The following SLC4A9 variants were observed in gnomAD, a reference collection of about 807,000 sequenced individuals.
SLC4A9 encodes the protein anion exchange protein 4.
SLC4A9 carries 102 observed loss-of-function variants against 103.2 expected under a neutral mutation model. The observed-to-expected ratio is 0.99, with a 90% CI of 0.84 to 1.17. The LOEUF is 1.17. Among genes scored for constraint, SLC4A9 ranks in the 50% most tolerant of loss-of-function variants. SLC4A9 has a pLI of 0.00. For synonymous variants in SLC4A9, 453 were observed against 483.6 expected (o/e 0.94, Z 0.83); for missense variants, 1,091 against 1,193.7 (o/e 0.91, Z 1.27).
At chr5:140,361,004 G>A in intron 2 of SLC4A9, 32 bp downstream of exon 2, 1 of 1,521,512 alleles carries the variant, frequency 6.6e-7, no homozygotes, top group Non-Finnish European at 8.9e-7. Flanking sequence ...GAAGGGCCTG[G>A]GTAGCCATGC....
Position 140,365,968 on chromosome 5 carries a change from C to T in SLC4A9, c.1845C>T (p.Phe615=), listed in dbSNP as rs1346198833. The T allele has an allele frequency of 6.2e-7, 1 of 1,614,072 alleles. No homozygotes were observed. Residue 615 remains phenylalanine, a synonymous_variant, in exon 13 of 22, where the codon TTC becomes TTT. Transcript: ENST00000506757. ...CCCTTCTCCTCTTCCTTACTTCTTT[C>T]TTCTTTGCTATGGCCCTCAAGTGTG... ...FFSLLLFLTS[F]FFAMALKCVK... is the part of the protein sequence containing the mutation.
rs147995654 is a variant in SLC4A9 at position 140,365,803 on chromosome 5, A to G, written c.1711-31A>G. 3.1e-4 allele frequency: 498 copies of G among 1,600,854 alleles called. 3 individuals carry two copies. In the African/African-American group the frequency reaches 6.0e-3, roughly 19 times the overall value. On this transcript the variant is annotated intron_variant, in intron 12 of 21. Transcript: ENST00000506757. ...GAGCAGGACATTTACTCCATTGCCTATAACTCCACTCCTGACCCTCCTGTG... is the reference window on the plus strand; with the variant it reads ...GAGCAGGACATTTACTCCATTGCCTGTAACTCCACTCCTGACCCTCCTGTG...
chr5:140,365,448 T>A, intron 11 of SLC4A9, 72 bp from the exon 12 acceptor site: 1 of 1,396,236 alleles, frequency 7.2e-7, no homozygotes, highest in Non-Finnish European at 9.9e-7. Flanking sequence ...ACCCATCAGA[T>A]AAGAATTTTA....
chr5:140,366,405 C>T, intron 14 of SLC4A9, 141 bp downstream of exon 14: 1 of 640,006 alleles, frequency 1.6e-6, no homozygotes, highest in East Asian at 2.8e-5. Flanking sequence ...ATAATGGCCT[C>T]ACAGGGTTGT....
chr5:140,364,157 T>C lies in SLC4A9; in HGVS notation c.1358T>C (p.Val453Ala). 1 of 1,579,932 alleles carries C rather than the reference T, an allele frequency of 6.3e-7. No homozygotes were observed. Among genetic ancestry groups the C allele is most frequent in the Non-Finnish European group, 8.6e-7 (1 of 1,162,594 alleles). Reference sequence around the variant, plus strand: ...CTGAGCAGCACGGGGCCAGTGCTGGTCTTTGAGCGCCTGCTCTTCTCTTTC... The same window carrying C: ...CTGAGCAGCACGGGGCCAGTGCTGGCCTTTGAGCGCCTGCTCTTCTCTTTC... The part of the protein sequence containing the change: ...TILSSTGPVL[V>A]FERLLFSFSR... Residue 453 changes from valine to alanine, a missense_variant, in exon 10 of 22, where the codon GTC becomes GCC. Physicochemically the swap from Val to Ala is moderately conservative, Grantham distance 64. Transcript: ENST00000506757.
chr5:140,366,206 G>GC lies in SLC4A9; in HGVS notation c.1957dup (p.Leu653ProfsTer2). The GC allele has an allele frequency of 6.2e-7, 1 of 1,610,122 alleles. No homozygotes were observed. The highest frequency in any genetic ancestry group is 8.5e-7 in the Non-Finnish European group (1 of 1,178,010). On this transcript the variant is annotated frameshift_variant, in exon 14 of 22. Transcript: ENST00000506757. LOFTEE classifies it high-confidence loss of function. The stretch of plus-strand genomic sequence containing the variant: ...GTCCTGGCCATCCTGCTCGGCTGTG[G>GC]CCTTGATGCTTTCCTGGGCCTAGCC...
intron 1 of SLC4A9, 150 bp downstream of exon 1, chr5:140,360,616 C>A: frequency 8.9e-7 from 1 of 1,122,540 alleles, no homozygotes; most frequent in Non-Finnish European, 1.3e-6. Flanking sequence ...TTCCATGATG[C>A]CCAGCCTCCT....
In SLC4A9 at chr5:140,371,441, G is replaced by C; in HGVS notation, c.2497-10G>C. The C allele has an allele frequency of 6.2e-7, 1 of 1,613,804 alleles. No individual in the cohort carries two copies. The highest frequency in any genetic ancestry group is 8.5e-7 in the Non-Finnish European group (1 of 1,179,816). On this transcript the variant is annotated splice_polypyrimidine_tract_variant and intron_variant, in intron 18 of 21. Transcript: ENST00000506757. ...AGTGCCCTGCTTTCCTCTTCCTCTT[G>C]TTCCCCTAGTTCACTAATAGGGTGA...
In SLC4A9 at chr5:140,363,365, G is replaced by A; in HGVS notation, c.963-74G>A. The A allele has an allele frequency of 7.4e-7, 1 of 1,353,818 alleles. No homozygotes were observed. The allele number at this position is 1,353,818 out of a possible 1,614,324, so 83.9% of individuals were successfully genotyped here. A position where few individuals can be genotyped will look rare whatever the true frequency, so the allele number is the denominator to read the frequency against. On this transcript the variant is annotated intron_variant, in intron 7 of 21. Coordinates refer to ENST00000506757, the MANE Select transcript of SLC4A9 (RefSeq NM_031467.3). This position sits in a 1 kb window ranked among gnomAD's most constrained non-coding sequence, Gnocchi z 4.5. ...ACAAGAGCAGCCGCTAGGGGGCAGG[G>A]CGCCACGAGCTCTGGACCGAGTCGC...
Position 140,363,915 on chromosome 5 carries a change from CA to C in SLC4A9, c.1254+14del, listed in dbSNP as rs1767495576. 6.2e-7 allele frequency: 1 copy of C among 1,612,364 alleles called. No homozygotes were observed. Among genetic ancestry groups the C allele is most frequent in the Non-Finnish European group, 8.5e-7 (1 of 1,179,166 alleles). ...TGATGGTGCCCAGGTGGGTAGGGCC[CA>C]GGGGGCAGGCACAAGCGTTGGTGTC... On this transcript the variant is annotated intron_variant, in intron 9 of 21. Coordinates refer to ENST00000506757, the MANE Select transcript of SLC4A9 (RefSeq NM_031467.3). This position sits in a 1 kb window ranked among gnomAD's most constrained non-coding sequence, Gnocchi z 4.5.
In SLC4A9 at chr5:140,367,856, G is replaced by A. The variant is rs1449330414; in HGVS notation, c.2312G>A (p.Arg771Lys). The A allele has an allele frequency of 6.2e-7, 1 of 1,614,004 alleles. No homozygotes were observed. The highest frequency in any genetic ancestry group is 1.1e-5 in the South Asian group (1 of 91,076). Residue 771 changes from arginine (R) to lysine (K), a missense_variant, in exon 16 of 22, where the codon AGA becomes AAA. Physicochemically the swap from Arg to Lys is conservative, Grantham distance 26. Coordinates refer to ENST00000506757, the MANE Select transcript of SLC4A9 (RefSeq NM_031467.3). ...ATGGACAGTCTTCGGAGAGAGAGCA[G>A]AGCCTGTGCCCCCGGGGAGCGCCCC... Reference protein sequence around the residue: ...AHMDSLRRESRACAPGERPNF... With the variant: ...AHMDSLRRESKACAPGERPNF...
chr5:140,361,181 G>C, intron 2 of SLC4A9, 73 bp from the exon 3 acceptor site: 1 of 1,390,620 alleles, frequency 7.2e-7, no homozygotes, highest in Non-Finnish European at 1.0e-6. Context: ...AAGGTGTCTG[G>C]GCAGAGGGAG....
intron 20 of SLC4A9, 75 bp from the exon 21 acceptor site, chr5:140,372,670 G>T (rs1768891016): frequency 3.4e-6 from 5 of 1,464,088 alleles, no homozygotes; most frequent in Non-Finnish European, 2.7e-6. Context: ...CTCACTGTGG[G>T]TTTACCTCTA....
intron 19 of SLC4A9, 105 bp downstream of exon 19, chr5:140,371,729 C>T: frequency 5.5e-6 from 7 of 1,280,082 alleles, no homozygotes; most frequent in Non-Finnish European, 6.5e-6. Context: ...CCCTCTCACT[C>T]GCTGTGGCTC....
Position 140,364,429 on chromosome 5 carries a change from G to GGTGCTGGTGGCCACAGAGGCCAGT in SLC4A9, c.1465_1488dup (p.Ala489_Val496dup), listed in dbSNP as rs767749215. 5 of 1,613,554 alleles carry GGTGCTGGTGGCCACAGAGGCCAGT rather than the reference G, an allele frequency of 3.1e-6. No homozygotes were observed. Among genetic ancestry groups the GGTGCTGGTGGCCACAGAGGCCAGT allele is most frequent in the Non-Finnish European group, 4.2e-6 (5 of 1,179,786 alleles). On this transcript the variant is annotated inframe_insertion, in exon 11 of 22. Transcript: ENST00000506757. Reference sequence around the variant, plus strand: ...GCATCTGGGTGGCTACCTTTTGCCTGGTGCTGGTGGCCACAGAGGCCAGTG... The same window carrying GGTGCTGGTGGCCACAGAGGCCAGT: ...GCATCTGGGTGGCTACCTTTTGCCTGGTGCTGGTGGCCACAGAGGCCAGTGTGCTGGTGGCCACAGAGGCCAGTG...
intron 18 of SLC4A9, 44 bp from the exon 19 acceptor site, chr5:140,371,407 G>A (rs1280227905): frequency 6.2e-7 from 1 of 1,610,654 alleles, no homozygotes; most frequent in Non-Finnish European, 8.5e-7. Flanking sequence ...CCTCCTATCA[G>A]GCTACCTGAG....
In SLC4A9 at chr5:140,363,313, G is replaced by T; in HGVS notation, c.963-126G>T. On this transcript the variant is annotated intron_variant, in intron 7 of 21. Coordinates refer to ENST00000506757, the MANE Select transcript of SLC4A9 (RefSeq NM_031467.3). The surrounding 1 kb of genome is among the most constrained non-coding windows in gnomAD (Gnocchi z 4.5). ...ACCTGGACCTTCTAGAGGCCCAGGT[G>T]TCGCCATGGTTCCCTCGCCGGCAGA... 1.0e-6 allele frequency: 1 copy of T among 981,984 alleles called. No homozygotes were observed. Among genetic ancestry groups the T allele is most frequent in the Non-Finnish European group, 1.5e-6 (1 of 663,280 alleles). 60.8% of individuals were successfully genotyped at this position (981,984 alleles called of 1,614,324 possible).
intron 14 of SLC4A9, among the ~76,000 whole-genome samples, chr5:140,366,570 G>C (rs887626302): frequency 6.6e-6 from 1 of 152,168 alleles, no homozygotes; most frequent in African/African-American, 2.4e-5. Context: ...CATTAGGCAA[G>C]TTAATGCACA....
In SLC4A9 at chr5:140,374,853, G is replaced by A. The variant is rs1300122518; in HGVS notation, c.*72G>A. The A allele has an allele frequency of 6.6e-6, 1 of 152,174 alleles. No individual in the cohort carries two copies. The highest frequency in any genetic ancestry group is 1.5e-5 in the Non-Finnish European group (1 of 68,050). The allele number at this position is 152,174 out of a possible 1,614,324, so 9.4% of individuals were successfully genotyped here. ...TGCTCAGTCGGCTTGGGGAAGGACT[G>A]AAGGGCAGCTGCCAAGACCTCAGTT... On this transcript the variant is annotated 3_prime_UTR_variant, in exon 22 of 22. Coordinates refer to ENST00000506757, the MANE Select transcript of SLC4A9 (RefSeq NM_031467.3).
Sources: allele counts gnomAD v4.1 joint callset (sites outside exome capture counted in the v4.1 genomes callset), GRCh38; gene constraint gnomAD v4.1.1; non-coding constraint Gnocchi (gnomAD v3.1); transcripts MANE v1.5; gene names NCBI Gene and HGNC (gene_info 2026-07-23, HGNC 2026-07-21).